SPIDR: variants seen among roughly 807,000 people sequenced by gnomAD.
The protein encoded by SPIDR is scaffold protein involved in DNA repair.
In SPIDR, 93 loss-of-function variants were observed where a neutral mutation model predicts 104.6. The ratio of observed to expected loss-of-function variants is 0.89; its 90% CI spans 0.75 to 1.06. The LOEUF (loss-of-function observed/expected upper bound fraction) is 1.06. SPIDR is among the 50% of genes least tolerant of loss of function. The probability of loss-of-function intolerance (pLI) is 0.00; values close to 1 mark genes in which losing one functional copy is unlikely to be tolerated. For synonymous variants in SPIDR, 431 were observed against 416.9 expected, an observed-to-expected ratio of 1.03 and a Z score of -0.41; for missense variants, 1,154 against 1,111.2, an observed-to-expected ratio of 1.04 and a Z score of -0.55.
chr8:47,631,808 A>G (rs1275322959), intron 10 of SPIDR, among the ~76,000 whole-genome samples: 2 of 152,216 alleles, frequency 1.3e-5, no homozygotes. Flanking sequence ...TTCTAATGAG[A>G]CCAACATTGA....
rs797025098 is a variant in SPIDR at position 47,488,545 on chromosome 8, C to CA, written c.1097+48010dup. On this transcript the variant is annotated intron_variant, in intron 8 of 19. Coordinates refer to ENST00000297423, the MANE Select transcript of SPIDR (RefSeq NM_001080394.4). Reference sequence around the variant, plus strand: ...GATACCAAAGCCTGGCAGAGACACACAAAAAAAGACAATTTTAGACCAATA... The same window carrying CA: ...GATACCAAAGCCTGGCAGAGACACACAAAAAAAAGACAATTTTAGACCAATA... Among the ~76,000 whole-genome samples, 73 of 152,066 alleles carry CA rather than the reference C, an allele frequency of 4.8e-4. No homozygotes were observed. The East Asian group carries it at 0.013, about 27-fold the overall frequency.
At chr8:47,322,859 G>A (rs2046969911) in intron 5 of SPIDR, among the ~76,000 whole-genome samples, 1 of 151,980 alleles carries the variant, frequency 6.6e-6, no homozygotes, top group Admixed American at 6.6e-5. Context: ...AACAGCGCAT[G>A]TTCTCACTCA....
chr8:47,264,729 A>G (rs1554545295), intron 1 of SPIDR, among the ~76,000 whole-genome samples: 2 of 151,686 alleles, frequency 1.3e-5, no homozygotes, highest in Admixed American at 6.6e-5. Context: ...TCCTGGGTTC[A>G]AGTTCTCTGA....
chr8:47,547,584 C>T (rs1030553575), intron 8 of SPIDR, among the ~76,000 whole-genome samples: 3 of 151,376 alleles, frequency 2.0e-5, no homozygotes, highest in Non-Finnish European at 1.5e-5. Flanking sequence ...AGGTGCCCAC[C>T]ACCACGCCCA....
chr8:47,713,703 A>G, intron 16 of SPIDR, 62 bp downstream of exon 16: 2 of 1,583,066 alleles, frequency 1.3e-6, no homozygotes, highest in Middle Eastern at 2.0e-4. Flanking sequence ...CTTTATATTC[A>G]TTTACTCATT....
intron 7 of SPIDR, among the ~76,000 whole-genome samples, chr8:47,426,061 G>T (rs564047008): frequency 8.0e-4 from 121 of 151,486 alleles, no homozygotes; most frequent in African/African-American, 2.8e-3. Context: ...TGGCCAACAT[G>T]GTGAAACCCT....
intron 5 of SPIDR, among the ~76,000 whole-genome samples, chr8:47,335,394 T>G (rs2049498658): frequency 6.6e-6 from 1 of 152,160 alleles, no homozygotes; most frequent in South Asian, 2.1e-4. Context: ...AATTCTAGAT[T>G]GGTAATTTTT....
intron 8 of SPIDR, among the ~76,000 whole-genome samples, chr8:47,582,220 C>CA (rs5891245): frequency 0.93 from 133,490 of 142,814 alleles, 62,326 homozygotes; most frequent in East Asian, 0.98. Flanking sequence ...GACTCCATCT[C>CA]AAAAAAAAAA....
At chr8:47,391,845 A>T (rs1445240727) in intron 5 of SPIDR, among the ~76,000 whole-genome samples, 3 of 151,906 alleles carry the variant, frequency 2.0e-5, no homozygotes, top group African/African-American at 7.3e-5. Context: ...AAATACAAAA[A>T]ATTAGCTGGG....
At chr8:47,361,069 G>C (rs2055799989) in intron 5 of SPIDR, 1 of 788,612 alleles carries the variant, frequency 1.3e-6, no homozygotes, top group Non-Finnish European at 1.5e-6. Flanking sequence ...TGGATTACAT[G>C]ACCACAGTTA....
chr8:47,603,985 C>T (rs2062633506), intron 10 of SPIDR, among the ~76,000 whole-genome samples: 1 of 152,052 alleles, frequency 6.6e-6, no homozygotes, highest in Non-Finnish European at 1.5e-5. Context: ...AAAAATCCAC[C>T]ATGCCCTGGA....
chr8:47,323,765 A>G (rs1483610931), intron 5 of SPIDR, among the ~76,000 whole-genome samples: 1 of 152,158 alleles, frequency 6.6e-6, no homozygotes, highest in African/African-American at 2.4e-5. Flanking sequence ...TAGGGTTTGT[A>G]ATAGATTTAG....
chr8:47,494,409 T>C (rs1201354461), intron 8 of SPIDR, among the ~76,000 whole-genome samples: 1 of 152,026 alleles, frequency 6.6e-6, no homozygotes, highest in Admixed American at 6.6e-5. Flanking sequence ...TCCCACCTCA[T>C]TTTTGAGAAA....
chr8:47,326,111 C>G (rs749195956), intron 5 of SPIDR, among the ~76,000 whole-genome samples: 3 of 152,222 alleles, frequency 2.0e-5, no homozygotes, highest in Non-Finnish European at 2.9e-5. Context: ...CCTCCCACCT[C>G]TGCCTCCGAA....
At chr8:47,473,013 A>G (rs782564859) in intron 8 of SPIDR, among the ~76,000 whole-genome samples, 4 of 152,196 alleles carry the variant, frequency 2.6e-5, no homozygotes, top group Non-Finnish European at 4.4e-5. Flanking sequence ...TGGCCTCAGT[A>G]CAACCTGCGA....
intron 11 of SPIDR, among the ~76,000 whole-genome samples, chr8:47,675,848 C>T (rs1006368158): frequency 6.6e-6 from 1 of 152,184 alleles, no homozygotes; most frequent in Non-Finnish European, 1.5e-5. Flanking sequence ...ACATTTCAGA[C>T]TCACAAGCAT....
intron 16 of SPIDR, 122 bp downstream of exon 16, chr8:47,713,763 C>T: frequency 5.4e-6 from 7 of 1,292,104 alleles, no homozygotes; most frequent in Non-Finnish European, 7.3e-6. Flanking sequence ...ACACTGGATA[C>T]ATAAAGAACA....
Position 47,701,743 on chromosome 8 carries a change from C to G in SPIDR, c.1796C>G (p.Pro599Arg). ...CAGATAAAAACTCATCTGCCTCCTC[C>G]AGCCTTGTGTTACATCCTCACAGCT... is the stretch of plus-strand genomic sequence containing the variant. ...CEEIKTHLPP[P>R]ALCYILTAHP... is the part of the protein sequence containing the mutation. The change falls in exon 13 of 20, where the codon CCA (proline) becomes CGA (arginine). Residue 599 changes from proline to arginine, a missense_variant. Pro to Arg is a moderately radical substitution (Grantham distance 103). Transcript: ENST00000297423. The G allele has an allele frequency of 6.2e-7, 1 of 1,614,108 alleles. No individual in the cohort carries two copies.
At chr8:47,649,488 T>C (rs2071204560) in intron 10 of SPIDR, among the ~76,000 whole-genome samples, 1 of 152,116 alleles carries the variant, frequency 6.6e-6, no homozygotes. Flanking sequence ...ACATGACAAC[T>C]AAATGCAGCC....
Sources: gnomAD v4.1 joint callset for allele counts (sites outside exome capture counted in the v4.1 genomes callset) on GRCh38, gnomAD v4.1.1 for gene constraint, MANE v1.5 for transcripts, NCBI Gene and HGNC (gene_info 2026-07-23, HGNC 2026-07-21) for gene names.